Variants in SNED1 observed in about 807,000 individuals in gnomAD.
SNED1 encodes sushi, nidogen and EGF-like domain-containing protein 1.
Under a neutral mutation model 166.7 loss-of-function variants are expected in SNED1, and 81 were observed. That is an observed-to-expected ratio of 0.49 (90% confidence interval 0.41 to 0.58). The LOEUF is 0.58. SNED1 is among the 20% of genes least tolerant of loss of function. SNED1 has a pLI of 0.00. For missense variants in SNED1, 1,604 were observed against 2,000.2 expected (o/e 0.80, Z 3.78); for synonymous variants, 762 against 822.0 (o/e 0.93, Z 1.25).
intron 1 of SNED1, among the ~76,000 whole-genome samples, chr2:241,006,116 A>G (rs1488878853): frequency 6.6e-6 from 1 of 152,024 alleles, no homozygotes; most frequent in Non-Finnish European, 1.5e-5. Context: ...TTCATTTTGA[A>G]TATTTCTATT....
chr2:241,014,084 CT>C (rs1439799654), intron 1 of SNED1, among the ~76,000 whole-genome samples: 4 of 151,876 alleles, frequency 2.6e-5, no homozygotes, highest in Non-Finnish European at 2.9e-5. Flanking sequence ...TCTCAGTTCA[CT>C]GCAACCTCTG....
At chr2:241,042,664 G>A (rs946515400) in intron 8 of SNED1, among the ~76,000 whole-genome samples, 5 of 152,110 alleles carry the variant, frequency 3.3e-5, no homozygotes, top group African/African-American at 9.7e-5. Context: ...AAAACCTAAT[G>A]AGAAGTAGAA....
At chr2:241,072,491 C>T in intron 26 of SNED1, 1 of 342,326 alleles carries the variant, frequency 2.9e-6, no homozygotes, top group South Asian at 2.2e-5. Context: ...TGCCTCTCAC[C>T]TGGAAGGCCA....
intron 18 of SNED1, 133 bp downstream of exon 18, chr2:241,063,833 T>G (rs1158078409): frequency 1.2e-6 from 1 of 800,932 alleles, no homozygotes; most frequent in Non-Finnish European, 2.0e-6. Context: ...TGCGGCCACC[T>G]TGGGAGGGAG....
At chr2:241,032,478 C>T (rs1198089869) in intron 2 of SNED1, among the ~76,000 whole-genome samples, 1 of 117,104 alleles carries the variant, frequency 8.5e-6, no homozygotes, top group Admixed American at 1.0e-4. Flanking sequence ...ACACCAGGGC[C>T]TGTCGTGGGG....
chr2:241,040,254 G>T, intron 7 of SNED1, 46 bp from the exon 8 acceptor site: 10 of 1,571,564 alleles, frequency 6.4e-6, no homozygotes, highest in Non-Finnish European at 8.6e-6. Context: ...GCACAGGGTG[G>T]TTGTGGCCTG....
In SNED1 at chr2:241,082,300, T is replaced by C; in HGVS notation, c.4057T>C (p.Cys1353Arg). ...AGCCTGTATAAAGGTGTCCCGCCCC[T>C]GCACAAGGCTGTTCTCCGAGACAAA... is the stretch of plus-strand genomic sequence containing the variant. The part of the protein sequence containing the change: ...ELACIKVSRP[C>R]TRLFSETKAF... The change falls in exon 29 of 32, where the codon TGC (cysteine) becomes CGC (arginine). Residue 1353 changes from cysteine (C) to arginine (R), a missense_variant. Transcript: ENST00000310397. 1 of 1,613,264 alleles carries C rather than the reference T, an allele frequency of 6.2e-7. No homozygotes were observed. The highest frequency in any genetic ancestry group is 8.5e-7 in the Non-Finnish European group (1 of 1,179,302).
chr2:241,020,113 CA>C (rs1333823596), intron 1 of SNED1, among the ~76,000 whole-genome samples: 3 of 152,284 alleles, frequency 2.0e-5, no homozygotes, highest in African/African-American at 4.8e-5. Context: ...ACAAAAAGAA[CA>C]AAAAAGAATA....
chr2:241,008,045 T>A (rs1309508899), intron 1 of SNED1, among the ~76,000 whole-genome samples: 1 of 152,222 alleles, frequency 6.6e-6, no homozygotes, highest in Admixed American at 6.5e-5. Flanking sequence ...CTGCCGTGGG[T>A]GAAGGCGGCC....
chr2:241,035,350 G>C (rs1223814647), intron 4 of SNED1, among the ~76,000 whole-genome samples: 1 of 152,196 alleles, frequency 6.6e-6, no homozygotes, highest in African/African-American at 2.4e-5. Flanking sequence ...CGGACGGGGT[G>C]GGTGTCCCTC....
In SNED1 at chr2:241,018,678, C is replaced by T. The variant is rs535995461; in HGVS notation, c.214-11606C>T. Among the ~76,000 whole-genome samples the T allele has an allele frequency of 5.3e-5, 8 of 152,190 alleles. No individual in the cohort carries two copies. Among genetic ancestry groups the T allele is most frequent in the South Asian group, 2.1e-4 (1 of 4,836 alleles). On this transcript the variant is annotated intron_variant, in intron 1 of 31. Transcript: ENST00000310397. This position sits in a 1 kb window ranked among gnomAD's most constrained non-coding sequence, Gnocchi z 5.4. ...AGCACCCGTGTGAGAGCCACAGAGA[C>T]GCCCTGCTCCCAGGCTGGCACCCAC...
chr2:241,036,107 G>A (rs1419309390), intron 4 of SNED1, among the ~76,000 whole-genome samples: 4 of 87,146 alleles, frequency 4.6e-5, no homozygotes, highest in Non-Finnish European at 6.6e-5. Flanking sequence ...TGGGGGTTGG[G>A]GAGTAGAGGC....
At chr2:241,044,530 G>A (rs2061598745) in intron 8 of SNED1, among the ~76,000 whole-genome samples, 1 of 152,176 alleles carries the variant, frequency 6.6e-6, no homozygotes, top group Admixed American at 6.5e-5. Context: ...CCAAACCAGT[G>A]GTGAGTTTAC....
In SNED1 at chr2:240,999,135, G is replaced by T; in HGVS notation, c.213+85G>T. 1 of 793,840 alleles carries T rather than the reference G, an allele frequency of 1.3e-6. No individual in the cohort carries two copies. Among genetic ancestry groups the T allele is most frequent in the Non-Finnish European group, 1.7e-6 (1 of 600,180 alleles). 49.2% of individuals were successfully genotyped at this position (793,840 alleles called of 1,614,324 possible). A position where few individuals can be genotyped will look rare whatever the true frequency, so the allele number is the denominator to read the frequency against. ...TGCCCGCCGGGCCCGGACTCCCGCC[G>T]CCGCCGCCAGCCACTTGGCACCGGG... On this transcript the variant is annotated intron_variant, in intron 1 of 31. Coordinates refer to ENST00000310397, the MANE Select transcript of SNED1 (RefSeq NM_001080437.3). The surrounding 1 kb of genome is among the most constrained non-coding windows in gnomAD (Gnocchi z 5.8).
Position 241,065,307 on chromosome 2 carries a change from C to T in SNED1, c.2722C>T (p.Pro908Ser). Residue 908 changes from proline to serine, a missense_variant, in exon 21 of 32, where the codon CCA (proline) becomes TCA (serine). By Grantham distance (74) the Pro-to-Ser change is moderately conservative. Coordinates refer to ENST00000310397, the MANE Select transcript of SNED1 (RefSeq NM_001080437.3). ...TGEDCAKELF[P>S]PTALKMERVE... ...TGACCCAAACCCTGAAGAGCTCTTC[C>T]CACCGACGGCCCTCAAGATGGAGAG... 6.2e-7 allele frequency: 1 copy of T among 1,612,722 alleles called. No homozygotes were observed. Among genetic ancestry groups the T allele is most frequent in the Non-Finnish European group, 8.5e-7 (1 of 1,179,818 alleles).
chr2:241,056,207 T>C (rs2062035721), intron 16 of SNED1, among the ~76,000 whole-genome samples: 1 of 152,144 alleles, frequency 6.6e-6, no homozygotes, highest in South Asian at 2.1e-4. Context: ...AATAGAAAAT[T>C]TGAGCAGAGA....
Position 241,068,944 on chromosome 2 carries a change from G to A in SNED1, c.3228G>A (p.Gln1076=). 6.4e-7 allele frequency: 1 copy of A among 1,555,408 alleles called. No homozygotes were observed. The highest frequency in any genetic ancestry group is 8.7e-7 in the Non-Finnish European group (1 of 1,149,712). ...ALLPGKRYTI[Q]LTTLSGLRGE... is the part of the protein sequence containing the mutation. ...TGCCTGGGAAGAGGTACACCATCCA[G>A]CTGACCACCCTCAGTGGGCTCAGGG... Residue 1076 remains glutamine, a synonymous_variant, in exon 23 of 32, where the codon CAG becomes CAA. Coordinates refer to ENST00000310397, the MANE Select transcript of SNED1 (RefSeq NM_001080437.3). The surrounding 1 kb of genome is among the most constrained non-coding windows in gnomAD (Gnocchi z 5.3).
In SNED1 at chr2:241,053,183, A is replaced by G. The variant is rs1264006441; in HGVS notation, c.2114A>G (p.Lys705Arg). The stretch of plus-strand genomic sequence containing the variant: ...GACTGCGGCCCCCCGGAGGAGGTGA[A>G]GCACGCCACACTGCGCTTCAACGGC... ...EVDCGPPEEV[K>R]HATLRFNGTR... Residue 705 changes from lysine (K) to arginine (R), a missense_variant, in exon 16 of 32, where the codon AAG becomes AGG. By Grantham distance (26) the Lys-to-Arg change is conservative (BLOSUM62 2). Transcript: ENST00000310397. The G allele has an allele frequency of 5.6e-6, 9 of 1,611,084 alleles. No individual in the cohort carries two copies. Among genetic ancestry groups the G allele is most frequent in the Non-Finnish European group, 6.8e-6 (8 of 1,179,434 alleles).
intron 27 of SNED1, among the ~76,000 whole-genome samples, chr2:241,080,464 T>C (rs1447564081): frequency 6.6e-6 from 1 of 152,184 alleles, no homozygotes; most frequent in African/African-American, 2.4e-5. Flanking sequence ...GGCTGTGGGC[T>C]CTAGATCTCG....
Sources: allele counts gnomAD v4.1 joint callset (sites outside exome capture counted in the v4.1 genomes callset), GRCh38; gene constraint gnomAD v4.1.1; non-coding constraint Gnocchi (gnomAD v3.1); transcripts MANE v1.5; gene names NCBI Gene and HGNC (gene_info 2026-07-23, HGNC 2026-07-21).